Variants in RBM23 observed in about 807,000 individuals in gnomAD.
The protein encoded by RBM23 is probable RNA-binding protein 23.
RBM23 carries 53 observed loss-of-function variants against 56.2 expected under a neutral mutation model. The ratio of observed to expected loss-of-function variants is 0.94; its 90% CI spans 0.76 to 1.19. The LOEUF is 1.19. Among genes scored for constraint, RBM23 ranks in the 50% most tolerant of loss-of-function variants. The pLI, the probability that RBM23 is intolerant of heterozygous loss-of-function variation, is 0.00. For synonymous variants in RBM23, 197 were observed against 198.5 expected (o/e 0.99, Z 0.06); for missense variants, 642 against 590.3 (o/e 1.09, Z -0.91).
chr14:22,905,686 G>A, intron 5 of RBM23, 27 bp from the exon 6 acceptor site: 2 of 1,548,288 alleles, frequency 1.3e-6, no homozygotes, highest in South Asian at 1.1e-5. Flanking sequence ...AACAAAAGGT[G>A]AAACCTTATT....
intron 2 of RBM23, 103 bp downstream of exon 2, chr14:22,911,224 TA>T (rs2042463088): frequency 1.1e-6 from 1 of 903,116 alleles, no homozygotes; most frequent in African/African-American, 1.7e-5. Context: ...ACATAATAAA[TA>T]AGCAGGGAAA....
chr14:22,898,242 A>C lies in RBM23; in HGVS notation c.*3488T>G, dbSNP rs1185029057. 1.3e-5 allele frequency: 2 copies of C among 152,256 alleles called. No individual in the cohort carries two copies. Among genetic ancestry groups the C allele is most frequent in the African/African-American group, 4.8e-5 (2 of 41,452 alleles). The allele number at this position is 152,256 out of a possible 1,614,324, so 9.4% of individuals were successfully genotyped here. On this transcript the variant is annotated 3_prime_UTR_variant, in exon 14 of 14. Transcript: ENST00000359890. Reference sequence around the variant, plus strand: ...AAGCAGGCAGAATTCCTGTGTCAAGAGCACAGCAGTTTAAAGAACAGGGAG... The same window carrying C: ...AAGCAGGCAGAATTCCTGTGTCAAGCGCACAGCAGTTTAAAGAACAGGGAG...
In RBM23 at chr14:22,904,903, A is replaced by G. The variant is rs755442992; in HGVS notation, c.836T>C (p.Leu279Pro). Residue 279 changes from leucine to proline, a missense_variant, in exon 9 of 14, where the codon CTC (leucine) becomes CCC (proline). Leu to Pro is a moderately conservative substitution (Grantham distance 98). Coordinates refer to ENST00000359890, the MANE Select transcript of RBM23 (RefSeq NM_001077351.2). ...ACCAAAGGGCTCAAAGATGCCCCGG[A>G]GCATGTCTTCAGTGATATTGAAGTG... Reference protein sequence around the residue: ...SLHFNITEDMLRGIFEPFGKI... With the variant: ...SLHFNITEDMPRGIFEPFGKI... 1 of 1,614,164 alleles carries G rather than the reference A, an allele frequency of 6.2e-7. No homozygotes were observed. Among genetic ancestry groups the G allele is most frequent in the South Asian group, 1.1e-5 (1 of 91,086 alleles).
At position 22,897,382 on chromosome 14, in the gene RBM23, G is replaced by A. The variant is rs766835751; in HGVS notation, c.*4348C>T. 6.6e-6 allele frequency: 1 copy of A among 152,142 alleles called. No homozygotes were observed. Among genetic ancestry groups the A allele is most frequent in the Non-Finnish European group, 1.5e-5 (1 of 68,040 alleles). The allele number at this position is 152,142 out of a possible 1,614,324, so 9.4% of individuals were successfully genotyped here. Reference sequence around the variant, plus strand: ...GAAAAGAGAGATCAACTCCACCTAGGAAAGCTTCAGGGTCTTAAAGGACAG... The same window carrying A: ...GAAAAGAGAGATCAACTCCACCTAGAAAAGCTTCAGGGTCTTAAAGGACAG... On this transcript the variant is annotated 3_prime_UTR_variant, in exon 14 of 14. Coordinates refer to ENST00000359890, the MANE Select transcript of RBM23 (RefSeq NM_001077351.2).
chr14:22,902,369 T>C lies in RBM23; in HGVS notation c.944A>G (p.Glu315Gly), dbSNP rs762879488. The C allele has an allele frequency of 9.3e-6, 15 of 1,612,208 alleles. No individual in the cohort carries two copies. The highest frequency in any genetic ancestry group is 1.3e-5 in the Non-Finnish European group (15 of 1,178,448). ...CTGTTCCAGGGCCCGCCGGGCACAC[T>C]CAGAATCAGAGAACTATGAGAAACC... ...GYGFITFSDS[E>G]CARRALEQLN... is the part of the protein sequence containing the mutation. Residue 315 changes from glutamate (E) to glycine (G), a missense_variant, in exon 11 of 14, where the codon GAG becomes GGG. Glu to Gly is a moderately conservative substitution (Grantham distance 98). Coordinates refer to ENST00000359890, the MANE Select transcript of RBM23 (RefSeq NM_001077351.2).
intron 10 of RBM23, 179 bp downstream of exon 10, chr14:22,904,082 G>C (rs2138931184): frequency 1.3e-6 from 2 of 1,527,150 alleles, no homozygotes; most frequent in Non-Finnish European, 1.8e-6. Context: ...TAGGAGCAAA[G>C]CCAAGATCTC....
rs908765097 is a variant in RBM23, at chr14:22,899,033, G to A, written c.*2697C>T. 3 of 152,168 alleles carry A rather than the reference G, an allele frequency of 2.0e-5. No homozygotes were observed. Among genetic ancestry groups the A allele is most frequent in the African/African-American group, 4.8e-5 (2 of 41,432 alleles). 9.4% of individuals were successfully genotyped at this position (152,168 alleles called of 1,614,324 possible). ...GAAGGGATGGGGGTGGTAACCAGGA[G>A]AACAGCAACATCATGTGAGATCTAG... On this transcript the variant is annotated 3_prime_UTR_variant, in exon 14 of 14. Coordinates refer to ENST00000359890, the MANE Select transcript of RBM23 (RefSeq NM_001077351.2).
chr14:22,904,127 G>A (rs767286790), intron 10 of RBM23, 134 bp downstream of exon 10: 4 of 1,558,434 alleles, frequency 2.6e-6, no homozygotes, highest in Non-Finnish European at 3.5e-6. Flanking sequence ...TAGAAGGCTA[G>A]TCCAAGCTTC....
intron 1 of RBM23, among the ~76,000 whole-genome samples, chr14:22,912,449 A>G (rs1345847631): frequency 6.6e-6 from 1 of 152,194 alleles, no homozygotes; most frequent in East Asian, 1.9e-4. Context: ...AGGCAAGGTA[A>G]AACGTGCCTC....
chr14:22,911,217 TA>T, intron 2 of RBM23, 110 bp downstream of exon 2: 1 of 869,276 alleles, frequency 1.2e-6, no homozygotes, highest in South Asian at 1.5e-5. Context: ...TTATTCTACA[TA>T]ATAAATAAGC....
At chr14:22,918,476 T>C (rs1357454685) in intron 1 of RBM23, among the ~76,000 whole-genome samples, 1 of 152,066 alleles carries the variant, frequency 6.6e-6, no homozygotes, top group East Asian at 1.9e-4. Flanking sequence ...TCAATCTTCA[T>C]ATGTGGCATC....
Position 22,896,610 on chromosome 14 carries a change from A to C in RBM23, c.*5120T>G, listed in dbSNP as rs1481556297. On this transcript the variant is annotated 3_prime_UTR_variant, in exon 14 of 14. Transcript: ENST00000359890. The stretch of plus-strand genomic sequence containing the variant: ...ATCCATCTACCCATTGCTCTCAAAA[A>C]TAACTGCTTAATGGCTCTCCAGAAA... 1.3e-5 allele frequency: 2 copies of C among 152,222 alleles called. No individual in the cohort carries two copies. The highest frequency in any genetic ancestry group is 4.8e-5 in the African/African-American group (2 of 41,440). The allele number at this position is 152,222 out of a possible 1,614,324, so 9.4% of individuals were successfully genotyped here.
intron 1 of RBM23, among the ~76,000 whole-genome samples, chr14:22,915,742 T>A (rs1012507472): frequency 1.3e-5 from 2 of 151,970 alleles, no homozygotes; most frequent in Non-Finnish European, 1.5e-5. Flanking sequence ...GTAATCCGCC[T>A]GCCTCGGCCT....
Position 22,917,574 on chromosome 14 carries a change from T to G in RBM23, c.-11+1425A>C, listed in dbSNP as rs2043763468. ...GTTTTTTCTTTTTTCTTCTTTTTTG[T>G]TTTTTTTTTGTATTTTTAGTAGAGA... is the stretch of plus-strand genomic sequence containing the variant. On this transcript the variant is annotated intron_variant, in intron 1 of 13. Transcript: ENST00000359890. 4 of 144,548 alleles carry G rather than the reference T, an allele frequency of 2.8e-5. No homozygotes were observed. In the South Asian group the frequency reaches 7.0e-4, roughly 25 times the overall value. 9.0% of individuals were successfully genotyped at this position (144,548 alleles called of 1,614,324 possible).
intron 5 of RBM23, 157 bp from the exon 6 acceptor site, chr14:22,905,816 T>C: frequency 1.6e-6 from 1 of 643,572 alleles, no homozygotes; most frequent in Non-Finnish European, 2.7e-6. Flanking sequence ...TGGCGCCATC[T>C]CGGGTCACTG....
Position 22,914,986 on chromosome 14 carries a change from CAA to C in RBM23, c.-10-3585_-10-3584del, listed in dbSNP as rs367972024. Among the ~76,000 whole-genome samples the C allele has an allele frequency of 3.1e-4, 32 of 101,924 alleles. No individual in the cohort carries two copies. In the South Asian group the frequency reaches 6.5e-3, roughly 21 times the overall value. The allele number at this position is 101,924 out of a possible 152,430, so 66.9% of individuals were successfully genotyped here. The stretch of plus-strand genomic sequence containing the variant: ...TGTAAGATGGAGTAAGACTCCATCT[CAA>C]AAAAAAAAAAAAAAAAGAGGAACTT... On this transcript the variant is annotated intron_variant, in intron 1 of 13. Transcript: ENST00000359890.
chr14:22,909,924 A>G (rs566276831), intron 2 of RBM23, among the ~76,000 whole-genome samples: 1 of 152,032 alleles, frequency 6.6e-6, no homozygotes, highest in East Asian at 1.9e-4. Flanking sequence ...AGGCTGAGGC[A>G]GGCGGATCAA....
intron 2 of RBM23, 25 bp from the exon 3 acceptor site, chr14:22,909,620 C>G (rs1370020173): frequency 1.3e-5 from 20 of 1,580,800 alleles, no homozygotes; most frequent in Non-Finnish European, 1.7e-5. Context: ...AGGAAAATGT[C>G]ACAAGGTATA....
At chr14:22,902,733 T>A in intron 10 of RBM23, 1 of 965,806 alleles carries the variant, frequency 1.0e-6, no homozygotes, top group Non-Finnish European at 1.2e-6. Flanking sequence ...TTAATTCAGT[T>A]CTCTATCCTA....
Sources: gnomAD v4.1 joint callset for allele counts (sites outside exome capture counted in the v4.1 genomes callset) on GRCh38, gnomAD v4.1.1 for gene constraint, MANE v1.5 for transcripts, NCBI Gene and HGNC (gene_info 2026-07-23, HGNC 2026-07-21) for gene names.